FBXW4: variants seen among roughly 807,000 people sequenced by gnomAD.
FBXW4 encodes F-box/WD repeat-containing protein 4.
FBXW4 carries 40 observed loss-of-function variants against 61.8 expected under a neutral mutation model. The ratio of observed to expected loss-of-function variants is 0.65; its 90% CI spans 0.50 to 0.84. The LOEUF (loss-of-function observed/expected upper bound fraction) is 0.84. Among genes scored for constraint, FBXW4 ranks in the 40% least tolerant of loss-of-function variants. The pLI is 0.00. For synonymous variants in FBXW4, 311 were observed against 313.8 expected (o/e 0.99, Z 0.10); for missense variants, 672 against 753.8 (o/e 0.89, Z 1.27).
chr10:101,689,809 C>T (rs72844632), intron 1 of FBXW4, among the ~76,000 whole-genome samples: 7,852 of 152,258 alleles, frequency 0.052, 292 homozygotes, highest in Middle Eastern at 0.13. Context: ...CCACTCTGGA[C>T]GTTAATCATC....
intron 5 of FBXW4, among the ~76,000 whole-genome samples, chr10:101,634,531 A>G (rs1185729431): frequency 6.7e-6 from 1 of 149,478 alleles, no homozygotes; most frequent in Non-Finnish European, 1.5e-5. Context: ...TTTGTATGAT[A>G]TTCATGCTGA....
chr10:101,625,419 C>T (rs892186405), intron 5 of FBXW4: 1 of 152,536 alleles, frequency 6.6e-6, no homozygotes, highest in Non-Finnish European at 1.5e-5. Context: ...CCCCAGAAGC[C>T]AGGCAGCCAG....
At chr10:101,640,697 G>A (rs1589754072) in intron 5 of FBXW4, among the ~76,000 whole-genome samples, 1 of 145,794 alleles carries the variant, frequency 6.9e-6, no homozygotes, top group African/African-American at 2.5e-5. Flanking sequence ...GGGTTTTGCT[G>A]TATTGGTCTC....
At chr10:101,655,224 T>C (rs1158869069) in intron 5 of FBXW4, among the ~76,000 whole-genome samples, 2 of 152,242 alleles carry the variant, frequency 1.3e-5, no homozygotes, top group East Asian at 3.8e-4. Flanking sequence ...GGAATTTCTG[T>C]GTCAAAAGGT....
chr10:101,694,278 G>C lies in FBXW4; in HGVS notation c.725+103C>G. The C allele has an allele frequency of 5.3e-6, 6 of 1,124,664 alleles. No homozygotes were observed. Among genetic ancestry groups the C allele is most frequent in the Non-Finnish European group, 6.9e-6 (6 of 865,670 alleles). 69.7% of individuals were successfully genotyped at this position (1,124,664 alleles called of 1,614,324 possible). A position where few individuals can be genotyped will look rare whatever the true frequency, so the allele number is the denominator to read the frequency against. The stretch of plus-strand genomic sequence containing the variant: ...GGTCAGGTGTAGGCCTAGAAACTCG[G>C]GGTGCGACACGACCCTGGGCCGACC... On this transcript the variant is annotated intron_variant, in intron 1 of 8. Coordinates refer to ENST00000331272, the MANE Select transcript of FBXW4 (RefSeq NM_022039.4). The surrounding 1 kb of genome is among the most constrained non-coding windows in gnomAD (Gnocchi z 6.0).
intron 5 of FBXW4, among the ~76,000 whole-genome samples, chr10:101,642,317 G>A (rs888258334): frequency 2.6e-5 from 4 of 151,918 alleles, no homozygotes; most frequent in Non-Finnish European, 4.4e-5. Flanking sequence ...TTGGGAAGCC[G>A]AGGCAGGAGG....
At chr10:101,615,887 G>T (rs1198899416) in intron 6 of FBXW4, among the ~76,000 whole-genome samples, 1 of 152,184 alleles carries the variant, frequency 6.6e-6, no homozygotes, top group East Asian at 1.9e-4. Flanking sequence ...CTGGTGCCCT[G>T]CTGCACTTCT....
At chr10:101,656,101 C>A (rs965709294) in intron 5 of FBXW4, among the ~76,000 whole-genome samples, 2 of 152,156 alleles carry the variant, frequency 1.3e-5, no homozygotes, top group African/African-American at 4.8e-5. Flanking sequence ...CCCCACAGTT[C>A]CATAGTATTC....
At chr10:101,669,946 A>G (rs3925645) in intron 4 of FBXW4, among the ~76,000 whole-genome samples, 151,462 of 152,144 alleles carry the variant, frequency 1, 75,396 homozygotes, top group East Asian at 1. Flanking sequence ...TAGTAGACAC[A>G]GGGTTTTGCT....
chr10:101,694,650 T>C lies in FBXW4; in HGVS notation c.456A>G (p.Thr152=), dbSNP rs1461041204. ...CGGCCGCCGCCGCCATGGCCACCCCTGTCCCCGCGATGTCGGCCCAAGCCT... is the reference window on the plus strand; with the variant it reads ...CGGCCGCCGCCGCCATGGCCACCCCCGTCCCCGCGATGTCGGCCCAAGCCT... ...GGQAWADIAG[T]GVAMAAAAGE... The change falls in exon 1 of 9, where the codon ACA becomes ACG. Residue 152 remains threonine (T), a synonymous_variant. Coordinates refer to ENST00000331272, the MANE Select transcript of FBXW4 (RefSeq NM_022039.4). The surrounding 1 kb of genome is among the most constrained non-coding windows in gnomAD (Gnocchi z 6.0). The C allele has an allele frequency of 2.8e-6, 4 of 1,413,588 alleles. No individual in the cohort carries two copies. The highest frequency in any genetic ancestry group is 3.2e-5 in the Admixed American group (1 of 31,436). 87.6% of individuals were successfully genotyped at this position (1,413,588 alleles called of 1,614,324 possible).
Position 101,695,044 on chromosome 10 carries a change from C to CCGCCCT in FBXW4, c.56_61dup (p.Glu19_Gly20dup), listed in dbSNP as rs1237742436. ...CCCTTCCTGCAGCTTCCTCGCCTCTCCGCCCTCGCCCTCGCCGGGCCCGCC... is the reference window on the plus strand; with the variant it reads ...CCCTTCCTGCAGCTTCCTCGCCTCTCCGCCCTCGCCCTCGCCCTCGCCGGGCCCGCC... On this transcript the variant is annotated inframe_insertion, in exon 1 of 9. Coordinates refer to ENST00000331272, the MANE Select transcript of FBXW4 (RefSeq NM_022039.4). This position sits in a 1 kb window ranked among gnomAD's most constrained non-coding sequence, Gnocchi z 4.2. The CCGCCCT allele has an allele frequency of 1.2e-5, 12 of 1,010,190 alleles. No homozygotes were observed. The highest frequency in any genetic ancestry group is 9.3e-5 in the East Asian group (1 of 10,798). The allele number at this position is 1,010,190 out of a possible 1,614,324, so 62.6% of individuals were successfully genotyped here. A position where few individuals can be genotyped will look rare whatever the true frequency, so the allele number is the denominator to read the frequency against.
chr10:101,665,607 T>G (rs184800246), intron 5 of FBXW4, among the ~76,000 whole-genome samples: 1 of 152,150 alleles, frequency 6.6e-6, no homozygotes, highest in Non-Finnish European at 1.5e-5. Flanking sequence ...GTGGCAGTCA[T>G]GTAGTAGCAG....
chr10:101,657,542 G>C (rs1240753794), intron 5 of FBXW4, among the ~76,000 whole-genome samples: 1 of 145,246 alleles, frequency 6.9e-6, no homozygotes, highest in Non-Finnish European at 1.5e-5. Flanking sequence ...GCTGAGGCAA[G>C]AGAATCACTT....
In FBXW4 at chr10:101,679,789, G is replaced by T. The variant is rs1472747314; in HGVS notation, c.726-3353C>A. On this transcript the variant is annotated intron_variant, in intron 1 of 8. Coordinates refer to ENST00000331272, the MANE Select transcript of FBXW4 (RefSeq NM_022039.4). ...GGTACAAATGGTTTTTGGTTACATG[G>T]ATGAATTGTACAATGATGAAGTCTG... Among the ~76,000 whole-genome samples, 7 of 151,948 alleles carry T rather than the reference G, an allele frequency of 4.6e-5. No individual in the cohort carries two copies. In the East Asian group the frequency reaches 1.3e-3, roughly 29 times the overall value.
At chr10:101,681,718 A>AAATAATAAT (rs60453783) in intron 1 of FBXW4, among the ~76,000 whole-genome samples, 6,573 of 143,338 alleles carry the variant, frequency 0.046, 164 homozygotes, top group East Asian at 0.1. Context: ...CTCCGTCTCA[A>AAATAATAAT]AATAATAATA....
intron 5 of FBXW4, chr10:101,660,135 A>G: frequency 1.0e-6 from 1 of 985,450 alleles, no homozygotes. Flanking sequence ...AGAGCTGAGA[A>G]AGCACAGGTC....
chr10:101,643,625 T>A (rs928226735), intron 5 of FBXW4, among the ~76,000 whole-genome samples: 3 of 152,200 alleles, frequency 2.0e-5, no homozygotes, highest in African/African-American at 7.2e-5. Context: ...AGACACACTG[T>A]GCCCACAGGG....
At chr10:101,684,420 C>G (rs2064511723) in intron 1 of FBXW4, among the ~76,000 whole-genome samples, 1 of 152,218 alleles carries the variant, frequency 6.6e-6, no homozygotes, top group African/African-American at 2.4e-5. Flanking sequence ...GCCACTGCGC[C>G]TGGCCTACCC....
chr10:101,673,566 G>C lies in FBXW4; in HGVS notation c.929C>G (p.Pro310Arg). The C allele has an allele frequency of 6.2e-7, 1 of 1,614,004 alleles. No individual in the cohort carries two copies. Among genetic ancestry groups the C allele is most frequent in the Non-Finnish European group, 8.5e-7 (1 of 1,179,886 alleles). Residue 310 changes from proline to arginine, a missense_variant, in exon 3 of 9, where the codon CCT (proline) becomes CGT (arginine). Pro to Arg is a moderately radical substitution (Grantham distance 103). Around this residue, in one of 5 missense-constraint regions of FBXW4, gnomAD observed 312 missense variants for 370.1 expected, o/e 0.84. Coordinates refer to ENST00000331272, the MANE Select transcript of FBXW4 (RefSeq NM_022039.4). ...ATCATGCCCAGCAAAGACTCCCAGA[G>C]GCCGACGATTCAAGCTGGCACCATC... is the stretch of plus-strand genomic sequence containing the variant. ...RPDGASLNRR[P>R]LGVFAGHDED...
Sources: gnomAD v4.1 joint callset for allele counts (sites outside exome capture counted in the v4.1 genomes callset) on GRCh38, gnomAD v4.1.1 for gene constraint, gnomAD v4.1.1 regional missense constraint, Gnocchi (gnomAD v3.1) non-coding constraint, MANE v1.5 for transcripts, NCBI Gene and HGNC (gene_info 2026-07-23, HGNC 2026-07-21) for gene names.